The following RBFOX1 variants were observed in gnomAD, a reference collection of about 807,000 sequenced individuals.
RBFOX1 encodes the protein RNA binding fox-1 homolog 1.
In RBFOX1, 8 loss-of-function variants were observed where a neutral mutation model predicts 57.7. The observed-to-expected ratio is 0.14, with a 90% CI of 0.08 to 0.25. The LOEUF (loss-of-function observed/expected upper bound fraction) is 0.25. Among genes scored for constraint, RBFOX1 ranks in the 10% least tolerant of loss-of-function variants. The pLI is 1.00. For missense variants in RBFOX1, 611 were observed against 548.5 expected (o/e 1.11, Z -1.14); for synonymous variants, 326 against 222.4 (o/e 1.47, Z -4.15).
intron 4 of RBFOX1, among the ~76,000 whole-genome samples, chr16:7,215,418 C>G (rs1166496929): frequency 1.3e-5 from 2 of 152,154 alleles, no homozygotes; most frequent in Non-Finnish European, 2.9e-5. Context: ...GGAACCAACC[C>G]AAATGTCCAT....
chr16:5,363,438 A>C, intron 1 of RBFOX1, among the ~76,000 whole-genome samples: 1 of 152,012 alleles, frequency 6.6e-6, no homozygotes, highest in East Asian at 1.9e-4. Context: ...TTCCTTGTTT[A>C]ATTTTATCCT....
chr16:7,427,825 C>CGGGG (rs2098636610), intron 4 of RBFOX1, among the ~76,000 whole-genome samples: 1 of 151,614 alleles, frequency 6.6e-6, no homozygotes, highest in Non-Finnish European at 1.5e-5. Flanking sequence ...AGTTAGTTTT[C>CGGGG]ATATTTTTAG....
chr16:7,390,424 G>A (rs186009171), intron 4 of RBFOX1, among the ~76,000 whole-genome samples: 1 of 152,290 alleles, frequency 6.6e-6, no homozygotes, highest in African/African-American at 2.4e-5. Flanking sequence ...CAGAAGACTT[G>A]GGTTTAAGTT....
chr16:5,639,631 T>G (rs1214052829), intron 3 of RBFOX1, among the ~76,000 whole-genome samples: 1 of 152,170 alleles, frequency 6.6e-6, no homozygotes, highest in Non-Finnish European at 1.5e-5. Flanking sequence ...CATGCATTCA[T>G]CATCACTGTA....
intron 3 of RBFOX1, among the ~76,000 whole-genome samples, chr16:6,678,373 C>G (rs904959604): frequency 6.6e-6 from 1 of 152,114 alleles, no homozygotes; most frequent in Non-Finnish European, 1.5e-5. Context: ...ATCTACCCAA[C>G]TCAGCCTCCT....
At chr16:5,489,364 G>A (rs2042750798) in intron 2 of RBFOX1, among the ~76,000 whole-genome samples, 2 of 152,154 alleles carry the variant, frequency 1.3e-5, no homozygotes, top group Non-Finnish European at 1.5e-5. Context: ...TAATGTCCAG[G>A]GCTCACCTCA....
At chr16:7,469,408 T>C (rs546635924) in intron 4 of RBFOX1, among the ~76,000 whole-genome samples, 51 of 152,256 alleles carry the variant, frequency 3.3e-4, no homozygotes, top group Non-Finnish European at 6.3e-4. Context: ...GCTATGTTTG[T>C]CTCATCTTCA....
intron 4 of RBFOX1, among the ~76,000 whole-genome samples, chr16:7,489,464 C>A (rs79363960): frequency 0.027 from 4,096 of 151,748 alleles, 179 homozygotes; most frequent in African/African-American, 0.095. Flanking sequence ...TTTTGCTGTT[C>A]CTATTTTGGA....
At chr16:7,545,725 C>T (rs539143821) in intron 5 of RBFOX1, among the ~76,000 whole-genome samples, 2 of 152,088 alleles carry the variant, frequency 1.3e-5, no homozygotes, top group Non-Finnish European at 2.9e-5. Flanking sequence ...TCCGAATGTT[C>T]TTTCCAGACA....
At chr16:5,250,386 A>G (rs1261278166) in intron 1 of RBFOX1, among the ~76,000 whole-genome samples, 2 of 152,034 alleles carry the variant, frequency 1.3e-5, no homozygotes, top group African/African-American at 2.4e-5. Context: ...TAAGCCCCGC[A>G]TGCATTAGGT....
chr16:7,034,827 C>CTTTTTTTT (rs113413414), intron 3 of RBFOX1, among the ~76,000 whole-genome samples: 15 of 54,090 alleles, frequency 2.8e-4, no homozygotes, highest in South Asian at 1.0e-3. Flanking sequence ...TATTGCATTA[C>CTTTTTTTT]TTTTTTTTTT....
chr16:6,455,938 T>C (rs2094760884), intron 2 of RBFOX1, among the ~76,000 whole-genome samples: 1 of 152,184 alleles, frequency 6.6e-6, no homozygotes, highest in Non-Finnish European at 1.5e-5. Context: ...AGATTTCATT[T>C]TTTCCAATTG....
intron 4 of RBFOX1, among the ~76,000 whole-genome samples, chr16:7,313,097 T>G (rs1568160513): frequency 2.0e-5 from 3 of 152,126 alleles, no homozygotes; most frequent in African/African-American, 7.2e-5. Flanking sequence ...GACTCGTACT[T>G]CCACATCACT....
intron 2 of RBFOX1, among the ~76,000 whole-genome samples, chr16:5,593,748 G>A (rs1451163396): frequency 6.6e-6 from 1 of 152,206 alleles, no homozygotes. Flanking sequence ...AGCAGCCCTG[G>A]GGACTGCTCT....
chr16:7,157,633 C>T (rs1019004388), intron 4 of RBFOX1, among the ~76,000 whole-genome samples: 5 of 152,018 alleles, frequency 3.3e-5, no homozygotes, highest in African/African-American at 1.2e-4. Flanking sequence ...GTTATTTGAT[C>T]TAAACTGGAT....
chr16:7,549,183 C>T (rs2085549950), intron 5 of RBFOX1, among the ~76,000 whole-genome samples: 1 of 152,244 alleles, frequency 6.6e-6, no homozygotes, highest in Non-Finnish European at 1.5e-5. Flanking sequence ...AGGTGGGAAA[C>T]ACCCTCGAAA....
chr16:5,752,508 T>G (rs941810148), intron 3 of RBFOX1, among the ~76,000 whole-genome samples: 7 of 152,362 alleles, frequency 4.6e-5, no homozygotes, highest in African/African-American at 1.7e-4. Flanking sequence ...GCCACCCACC[T>G]AGCTGTTTCA....
At chr16:5,375,061 T>G (rs1163715383) in intron 1 of RBFOX1, among the ~76,000 whole-genome samples, 2 of 118,772 alleles carry the variant, frequency 1.7e-5, no homozygotes, top group East Asian at 4.8e-4. Flanking sequence ...CTGTGTCCTG[T>G]GGTAGAAACA....
chr16:5,996,070 G>A (rs75617917), intron 4 of RBFOX1, among the ~76,000 whole-genome samples: 3,150 of 152,098 alleles, frequency 0.021, 114 homozygotes, highest in East Asian at 0.14. Context: ...CAAGCATGAG[G>A]GTTCCATCCC....
Sources: gnomAD v4.1 joint callset for allele counts (sites outside exome capture counted in the v4.1 genomes callset) on GRCh38, gnomAD v4.1.1 for gene constraint, MANE v1.5 for transcripts, NCBI Gene and HGNC (gene_info 2026-07-23, HGNC 2026-07-21) for gene names.